MMAB: variants seen among roughly 807,000 people sequenced by gnomAD.
MMAB encodes metabolism of cobalamin associated B.
MMAB carries 17 observed loss-of-function variants against 30.6 expected under a neutral mutation model. That is an observed-to-expected ratio of 0.56 (90% CI 0.38 to 0.83). The LOEUF (loss-of-function observed/expected upper bound fraction) is 0.83. Ranked by LOEUF, MMAB falls within the 40% of genes least tolerant of loss-of-function variation. MMAB has a pLI of 0.00. For synonymous variants in MMAB, 134 were observed against 138.6 expected (o/e 0.97, Z 0.23); for missense variants, 311 against 331.6 (o/e 0.94, Z 0.48).
intron 7 of MMAB, among the ~76,000 whole-genome samples, 183 bp downstream of exon 7, chr12:109,560,857 G>A (rs1322278298): frequency 6.6e-6 from 1 of 152,180 alleles, no homozygotes; most frequent in African/African-American, 2.4e-5. Context: ...GAGGGGCCCA[G>A]ACAAGGTCTG....
rs1189614583 is a variant in MMAB at position 109,573,363 on chromosome 12, C to A, written c.118G>T (p.Val40Leu). ...GCCACTCACCTGTCCCCGTCTTCCACGCCCTGAGGGCCGCGGCTCTGGAAA... is the reference window on the plus strand; with the variant it reads ...GCCACTCACCTGTCCCCGTCTTCCAAGCCCTGAGGGCCGCGGCTCTGGAAA... ...PRFQSRGPQG[V>L]EDGDRPQPSS... The change falls in exon 1 of 9, where the codon GTG becomes TTG. Residue 40 changes from valine to leucine, a missense_variant. By Grantham distance (32) the Val-to-Leu change is conservative. Coordinates refer to ENST00000545712, the MANE Select transcript of MMAB (RefSeq NM_052845.4). 1.2e-6 allele frequency: 2 copies of A among 1,613,118 alleles called. No individual in the cohort carries two copies. Among genetic ancestry groups the A allele is most frequent in the Non-Finnish European group, 1.7e-6 (2 of 1,179,904 alleles).
rs1566127596 is a variant in MMAB at position 109,554,496 on chromosome 12, G to GA, written c.*2531dup. 2.2e-6 allele frequency: 1 copy of GA among 454,052 alleles called. No individual in the cohort carries two copies. Among genetic ancestry groups the GA allele is most frequent in the Non-Finnish European group, 4.4e-6 (1 of 226,776 alleles). The allele number at this position is 454,052 out of a possible 1,614,324, so 28.1% of individuals were successfully genotyped here. ...GCAATATTTTCCAAAATCAAATTAT[G>GA]AAAAAAATCTACGATAAGCAAGGGA... On this transcript the variant is annotated 3_prime_UTR_variant, in exon 9 of 9. Coordinates refer to ENST00000545712, the MANE Select transcript of MMAB (RefSeq NM_052845.4).
chr12:109,558,406 G>A lies in MMAB; in HGVS notation c.644+690C>T, dbSNP rs1184532307. Among the ~76,000 whole-genome samples the A allele has an allele frequency of 6.6e-6, 1 of 152,082 alleles. No individual in the cohort carries two copies. The stretch of plus-strand genomic sequence containing the variant: ...TCTGGGAGGAGTGGCCACAGTCAAG[G>A]GCCTGAGGTCACTTTCTAGACACCC... On this transcript the variant is annotated intron_variant, in intron 8 of 8. Transcript: ENST00000545712. The surrounding 1 kb of genome is among the most constrained non-coding windows in gnomAD (Gnocchi z 4.3).
In MMAB at chr12:109,570,488, C is replaced by T. The variant is rs552308234; in HGVS notation, c.196+1161G>A. On this transcript the variant is annotated intron_variant, in intron 2 of 8. Transcript: ENST00000545712. Reference sequence around the variant, plus strand: ...CCATTCAGTGGCACTGAGTATGTCCCGTACATGCTTTTATACTTTTACTAT... The same window carrying T: ...CCATTCAGTGGCACTGAGTATGTCCTGTACATGCTTTTATACTTTTACTAT... Among the ~76,000 whole-genome samples, 42 of 152,246 alleles carry T rather than the reference C, an allele frequency of 2.8e-4. No individual in the cohort carries two copies. The South Asian group carries it at 6.4e-3, about 23-fold the overall frequency.
chr12:109,558,234 T>G lies in MMAB; in HGVS notation c.644+862A>C, dbSNP rs1165384358. 1.3e-5 allele frequency among the ~76,000 whole-genome samples: 2 copies of G among 152,124 alleles called. No homozygotes were observed. Among genetic ancestry groups the G allele is most frequent in the African/African-American group, 2.4e-5 (1 of 41,412 alleles). On this transcript the variant is annotated intron_variant, in intron 8 of 8. Coordinates refer to ENST00000545712, the MANE Select transcript of MMAB (RefSeq NM_052845.4). This position sits in a 1 kb window ranked among gnomAD's most constrained non-coding sequence, Gnocchi z 4.3. ...GCTTGTTGGCTCTGTGAAGCCTCACTGAGGAGATGAAATGGCCTGTCCCGT... is the reference window on the plus strand; with the variant it reads ...GCTTGTTGGCTCTGTGAAGCCTCACGGAGGAGATGAAATGGCCTGTCCCGT...
rs1431379927 is a variant in MMAB at position 109,556,646 on chromosome 12, TCTCACACACACACACACACACACACA to T, written c.*356_*381del. The T allele has an allele frequency of 2.3e-6, 1 of 426,582 alleles. No homozygotes were observed. Among genetic ancestry groups the T allele is most frequent in the Non-Finnish European group, 4.6e-6 (1 of 218,776 alleles). The allele number at this position is 426,582 out of a possible 1,614,324, so 26.4% of individuals were successfully genotyped here. A position where few individuals can be genotyped will look rare whatever the true frequency, so the allele number is the denominator to read the frequency against. Reference sequence around the variant, plus strand: ...CTGAGCTGGCAGTGGGAGGGCTCTCTCTCACACACACACACACACACACACACACACACACACACACACACACGGCT... The same window carrying T: ...CTGAGCTGGCAGTGGGAGGGCTCTCTCACACACACACACACACACACGGCT... On this transcript the variant is annotated 3_prime_UTR_variant, in exon 9 of 9. Transcript: ENST00000545712.
chr12:109,560,972 T>TTC, intron 7 of MMAB, 68 bp downstream of exon 7: 19 of 464,384 alleles, frequency 4.1e-5, no homozygotes, highest in Middle Eastern at 3.6e-4. Flanking sequence ...CCTCTCCCTC[T>TTC]CCCTCCCCCC....
intron 1 of MMAB, 81 bp downstream of exon 1, chr12:109,573,266 C>CAA (rs1241616521): frequency 1.7e-5 from 27 of 1,586,150 alleles, no homozygotes; most frequent in Non-Finnish European, 2.2e-5. Flanking sequence ...GCGGTGACCT[C>CAA]ACGGCGGTGT....
chr12:109,561,953 A>G lies in MMAB; in HGVS notation c.349-101T>C, dbSNP rs566639679. 1.6e-5 allele frequency: 16 copies of G among 1,014,274 alleles called. No individual in the cohort carries two copies. The highest frequency in any genetic ancestry group is 2.6e-5 in the East Asian group (1 of 38,102). The allele number at this position is 1,014,274 out of a possible 1,614,324, so 62.8% of individuals were successfully genotyped here. A position where few individuals can be genotyped will look rare whatever the true frequency, so the allele number is the denominator to read the frequency against. ...CTAATACGCCGGCAAAGCCTGTGCCAGCTAGCTCATGAAGGGCTGTGATAT... is the reference window on the plus strand; with the variant it reads ...CTAATACGCCGGCAAAGCCTGTGCCGGCTAGCTCATGAAGGGCTGTGATAT... On this transcript the variant is annotated intron_variant, in intron 4 of 8. Coordinates refer to ENST00000545712, the MANE Select transcript of MMAB (RefSeq NM_052845.4). The surrounding 1 kb of genome is among the most constrained non-coding windows in gnomAD (Gnocchi z 5.3).
At chr12:109,568,674 G>A (rs1466632191) in intron 3 of MMAB, 96 bp downstream of exon 3, 11 of 985,372 alleles carry the variant, frequency 1.1e-5, no homozygotes, top group Middle Eastern at 2.1e-4. Context: ...GACAACCTCC[G>A]AGGCTGCTGC....
chr12:109,558,399 A>T lies in MMAB; in HGVS notation c.644+697T>A, dbSNP rs532589458. ...CCATGTCTCTGGGAGGAGTGGCCAC[A>T]GTCAAGGGCCTGAGGTCACTTTCTA... On this transcript the variant is annotated intron_variant, in intron 8 of 8. Coordinates refer to ENST00000545712, the MANE Select transcript of MMAB (RefSeq NM_052845.4). The surrounding 1 kb of genome is among the most constrained non-coding windows in gnomAD (Gnocchi z 4.3). 6.6e-6 allele frequency among the ~76,000 whole-genome samples: 1 copy of T among 152,244 alleles called. No homozygotes were observed. Among genetic ancestry groups the T allele is most frequent in the South Asian group, 2.1e-4 (1 of 4,826 alleles).
rs1480663162 is a variant in MMAB at position 109,555,415 on chromosome 12, T to C, written c.*1613A>G. ...CTCCTGCCTCAGCCTCCTGAATAGC[T>C]GGGATTACAGGCACCCGCCACCATG... On this transcript the variant is annotated 3_prime_UTR_variant, in exon 9 of 9. Transcript: ENST00000545712. 1 of 415,514 alleles carries C rather than the reference T, an allele frequency of 2.4e-6. No homozygotes were observed. Among genetic ancestry groups the C allele is most frequent in the Non-Finnish European group, 4.7e-6 (1 of 214,864 alleles). 25.7% of individuals were successfully genotyped at this position (415,514 alleles called of 1,614,324 possible). A position where few individuals can be genotyped will look rare whatever the true frequency, so the allele number is the denominator to read the frequency against.
rs776916498 is a variant in MMAB, at chr12:109,561,432, G to A, written c.507C>T (p.Ala169=). 11 of 1,550,942 alleles carry A rather than the reference G, an allele frequency of 7.1e-6. No homozygotes were observed. In the South Asian group the frequency reaches 1.3e-4, roughly 18 times the overall value. ...GCCCAGTACCTACAGGCAGGATGAA[G>A]GCCGTGAGTGGTGGGAGCTGGCTGG... The part of the protein sequence containing the change: ...KYTSQLPPLT[A]FILPSGGKIS... Residue 169 remains alanine (A), a synonymous_variant, in exon 6 of 9, where the codon GCC becomes GCT. Transcript: ENST00000545712. This position sits in a 1 kb window ranked among gnomAD's most constrained non-coding sequence, Gnocchi z 5.3.
At chr12:109,571,973 T>C (rs942590066) in intron 1 of MMAB, among the ~76,000 whole-genome samples, 2 of 152,210 alleles carry the variant, frequency 1.3e-5, no homozygotes, top group East Asian at 1.9e-4. Context: ...CAATAAATAT[T>C]TGCTGAAGGA....
In MMAB at chr12:109,554,450, G is replaced by A. The variant is rs142059319; in HGVS notation, c.*2578C>T. 10 of 454,086 alleles carry A rather than the reference G, an allele frequency of 2.2e-5. No homozygotes were observed. Among genetic ancestry groups the A allele is most frequent in the Non-Finnish European group, 3.5e-5 (8 of 226,788 alleles). 28.1% of individuals were successfully genotyped at this position (454,086 alleles called of 1,614,324 possible). On this transcript the variant is annotated 3_prime_UTR_variant, in exon 9 of 9. Coordinates refer to ENST00000545712, the MANE Select transcript of MMAB (RefSeq NM_052845.4). ...ATGTAAGGAAGTGCCCACAAACTCA[G>A]GGATCGAGTAGTATTTGTGTGCAAT...
Position 109,554,590 on chromosome 12 carries a change from TTGTTTC to T in MMAB, c.*2432_*2437del, listed in dbSNP as rs1199585300. The T allele has an allele frequency of 2.2e-6, 1 of 454,124 alleles. No individual in the cohort carries two copies. Among genetic ancestry groups the T allele is most frequent in the Non-Finnish European group, 4.4e-6 (1 of 226,792 alleles). 28.1% of individuals were successfully genotyped at this position (454,124 alleles called of 1,614,324 possible). On this transcript the variant is annotated 3_prime_UTR_variant, in exon 9 of 9. Transcript: ENST00000545712. Reference sequence around the variant, plus strand: ...CCGTGTTCCCGTGCAATGGGACTGATTGTTTCTGAGAGTTGCCAGTGGTGTGCAAAC... The same window carrying T: ...CCGTGTTCCCGTGCAATGGGACTGATTGAGAGTTGCCAGTGGTGTGCAAAC...
chr12:109,568,341 G>A, intron 3 of MMAB: 1 of 236,178 alleles, frequency 4.2e-6, no homozygotes, highest in East Asian at 1.0e-4. Context: ...ATCACAGCAT[G>A]ACCTGGCCCA....
In MMAB at chr12:109,561,410, C is replaced by T. The variant is rs771725706; in HGVS notation, c.519+10G>A. ...GCAGCCGCCCCCGGTTAAGCCTGCCCAGTACCTACAGGCAGGATGAAGGCC... is the reference window on the plus strand; with the variant it reads ...GCAGCCGCCCCCGGTTAAGCCTGCCTAGTACCTACAGGCAGGATGAAGGCC... On this transcript the variant is annotated intron_variant, in intron 6 of 8. Coordinates refer to ENST00000545712, the MANE Select transcript of MMAB (RefSeq NM_052845.4). This position sits in a 1 kb window ranked among gnomAD's most constrained non-coding sequence, Gnocchi z 5.3. 3.6e-5 allele frequency: 56 copies of T among 1,549,830 alleles called. 1 individual carries two copies. The South Asian group carries it at 6.7e-4, about 18-fold the overall frequency.
At position 109,556,147 on chromosome 12, in the gene MMAB, C is replaced by G. The variant is rs1272225383; in HGVS notation, c.*881G>C. The G allele has an allele frequency of 6.6e-6, 3 of 453,002 alleles. No individual in the cohort carries two copies. The highest frequency in any genetic ancestry group is 2.4e-5 in the Admixed American group (1 of 42,536). The allele number at this position is 453,002 out of a possible 1,614,324, so 28.1% of individuals were successfully genotyped here. A position where few individuals can be genotyped will look rare whatever the true frequency, so the allele number is the denominator to read the frequency against. On this transcript the variant is annotated 3_prime_UTR_variant, in exon 9 of 9. Coordinates refer to ENST00000545712, the MANE Select transcript of MMAB (RefSeq NM_052845.4). ...TAGCAGGAGGGAGCAGCAGTGACAACTGAAATAAATACAGCCGTGGCACCG... is the reference window on the plus strand; with the variant it reads ...TAGCAGGAGGGAGCAGCAGTGACAAGTGAAATAAATACAGCCGTGGCACCG...
Sources: gnomAD v4.1 joint callset for allele counts (sites outside exome capture counted in the v4.1 genomes callset) on GRCh38, gnomAD v4.1.1 for gene constraint, Gnocchi (gnomAD v3.1) non-coding constraint, MANE v1.5 for transcripts, NCBI Gene and HGNC (gene_info 2026-07-23, HGNC 2026-07-21) for gene names.